MCMDC2: variants seen among roughly 807,000 people sequenced by gnomAD.
MCMDC2 encodes the protein minichromosome maintenance domain containing 2.
Under a neutral mutation model 75.8 loss-of-function variants are expected in MCMDC2, and 54 were observed. The observed-to-expected ratio is 0.71, with a 90% confidence interval of 0.57 to 0.89. The LOEUF (loss-of-function observed/expected upper bound fraction) is 0.89. Ranked by LOEUF, MCMDC2 falls within the 40% of genes least tolerant of loss-of-function variation. MCMDC2 has a pLI of 0.00. For synonymous variants in MCMDC2, 249 were observed against 274.6 expected, an observed-to-expected ratio of 0.91 and a Z score of 0.92; for missense variants, 656 against 780.4, an observed-to-expected ratio of 0.84 and a Z score of 1.90.
intron 7 of MCMDC2, among the ~76,000 whole-genome samples, chr8:66,880,530 T>C (rs563409859): frequency 1.3e-5 from 2 of 152,372 alleles, no homozygotes; most frequent in African/African-American, 4.8e-5. Context: ...TTCCTTTTCA[T>C]TGAATAGAAA....
chr8:66,924,070 T>C (rs1303996716), downstream of MCMDC2, among the ~76,000 whole-genome samples: 1 of 152,156 alleles, frequency 6.6e-6, no homozygotes, highest in African/African-American at 2.4e-5. Flanking sequence ...CGGTGGATTC[T>C]TTTGTATTAT....
chr8:66,881,516 A>T (rs11997536), intron 8 of MCMDC2, among the ~76,000 whole-genome samples: 2,780 of 152,164 alleles, frequency 0.018, 86 homozygotes, highest in African/African-American at 0.062. Context: ...GTGAAACCCC[A>T]TCTCTACTAA....
At chr8:66,911,337 T>C (rs932639783) in intron 14 of MCMDC2, among the ~76,000 whole-genome samples, 4 of 152,198 alleles carry the variant, frequency 2.6e-5, no homozygotes, top group Non-Finnish European at 4.4e-5. Flanking sequence ...CCTGCTGCCC[T>C]GTGAAGAAGG....
In MCMDC2 at chr8:66,896,782, T is replaced by C. The variant is rs755065417; in HGVS notation, c.1449T>C (p.Asp483=). ...QKINTLIGQM[D]CSLIPANLVE... Reference sequence around the variant, plus strand: ...TGTTACCTTTTGGTTTGATGTAGGATTGCAGTTTGATTCCAGCTAACCTTG... The same window carrying C: ...TGTTACCTTTTGGTTTGATGTAGGACTGCAGTTTGATTCCAGCTAACCTTG... The change falls in exon 12 of 15, where the codon GAT becomes GAC. Residue 483 remains aspartate (D), a splice_region_variant and synonymous_variant. Coordinates refer to ENST00000422365, the MANE Select transcript of MCMDC2 (RefSeq NM_173518.5). 1.2e-6 allele frequency: 2 copies of C among 1,603,418 alleles called. No homozygotes were observed. The highest frequency in any genetic ancestry group is 2.3e-5 in the East Asian group (1 of 44,270).
intron 14 of MCMDC2, among the ~76,000 whole-genome samples, chr8:66,912,243 C>T (rs1419412181): frequency 1.3e-5 from 2 of 152,266 alleles, no homozygotes; most frequent in Non-Finnish European, 2.9e-5. Context: ...GTGGCGGCAA[C>T]AGCAAGAGAA....
At chr8:66,881,557 G>A (rs1399001405) in intron 8 of MCMDC2, among the ~76,000 whole-genome samples, 1 of 152,160 alleles carries the variant, frequency 6.6e-6, no homozygotes, top group Non-Finnish European at 1.5e-5. Context: ...ATGGTGGCAG[G>A]TGCCTGTAAT....
At chr8:66,917,032 T>G (rs1198870611) in intron 14 of MCMDC2, among the ~76,000 whole-genome samples, 1 of 152,004 alleles carries the variant, frequency 6.6e-6, no homozygotes, top group Admixed American at 6.6e-5. Context: ...GCACTGAGCA[T>G]CAAAGGAGAA....
At chr8:66,891,712 T>C (rs543917657) in intron 10 of MCMDC2, among the ~76,000 whole-genome samples, 24 of 152,266 alleles carry the variant, frequency 1.6e-4, no homozygotes, top group African/African-American at 5.8e-4. Flanking sequence ...TGGCTCACAC[T>C]ACCAGTCCAG....
At chr8:66,898,924 T>C (rs1157709694) in intron 12 of MCMDC2, among the ~76,000 whole-genome samples, 2 of 152,204 alleles carry the variant, frequency 1.3e-5, no homozygotes, top group African/African-American at 4.8e-5. Context: ...AAAAATTGTA[T>C]TTTGGAGTCA....
downstream of MCMDC2, chr8:66,922,462 A>G (rs1334846161): frequency 1.9e-6 from 1 of 517,918 alleles, no homozygotes; most frequent in African/African-American, 1.9e-5. Context: ...TAATCAATGT[A>G]CAGTACTGGC....
chr8:66,896,579 A>G (rs1048649327), intron 11 of MCMDC2, among the ~76,000 whole-genome samples: 1 of 152,118 alleles, frequency 6.6e-6, no homozygotes, highest in African/African-American at 2.4e-5. Context: ...TGTATAAGAA[A>G]ATACTCACTA....
rs1812337177 is a variant in MCMDC2 at position 66,896,072 on chromosome 8, C to G, written c.1280-98C>G. ...TTTACTTTCTTTCACTATCCAAAGT[C>G]TACACAGTATAATTATATATAATAA... On this transcript the variant is annotated intron_variant, in intron 10 of 14. Transcript: ENST00000422365. 3 of 1,075,884 alleles carry G rather than the reference C, an allele frequency of 2.8e-6. No homozygotes were observed. In the South Asian group the frequency reaches 4.7e-5, roughly 17 times the overall value. The allele number at this position is 1,075,884 out of a possible 1,614,324, so 66.6% of individuals were successfully genotyped here.
At chr8:66,924,252 G>A (rs971660030), downstream of MCMDC2, among the ~76,000 whole-genome samples, 1 of 151,566 alleles carries the variant, frequency 6.6e-6, no homozygotes, top group Non-Finnish European at 1.5e-5. Flanking sequence ...GACAGTTAAT[G>A]ATTATTTCAG....
chr8:66,901,806 A>C (rs1812672862), intron 13 of MCMDC2: 1 of 177,816 alleles, frequency 5.6e-6, no homozygotes, highest in Non-Finnish European at 1.1e-5. Flanking sequence ...TGGTGCGTTC[A>C]TGTAGTCCCA....
At chr8:66,887,629 A>G (rs1432013786) in intron 9 of MCMDC2, among the ~76,000 whole-genome samples, 2 of 152,188 alleles carry the variant, frequency 1.3e-5, no homozygotes, top group Non-Finnish European at 2.9e-5. Flanking sequence ...TAGAAGCATT[A>G]TAGTTTTAGT....
Position 66,901,304 on chromosome 8 carries a change from C to T in MCMDC2, c.1725C>T (p.Gly575=). ...YYLASRRIRT[G]SVCGSKLSAS... Reference sequence around the variant, plus strand: ...TAGCAAGTCGCAGAATCAGAACAGGCTCTGTATGTGGATCAAAGCTGTCAG... The same window carrying T: ...TAGCAAGTCGCAGAATCAGAACAGGTTCTGTATGTGGATCAAAGCTGTCAG... Residue 575 remains glycine, a synonymous_variant, in exon 13 of 15, where the codon GGC becomes GGT. Coordinates refer to ENST00000422365, the MANE Select transcript of MCMDC2 (RefSeq NM_173518.5). 1 of 1,613,646 alleles carries T rather than the reference C, an allele frequency of 6.2e-7. No homozygotes were observed. Among genetic ancestry groups the T allele is most frequent in the Non-Finnish European group, 8.5e-7 (1 of 1,179,726 alleles).
rs1036630013 is a variant in MCMDC2 at position 66,919,959 on chromosome 8, T to TA, written c.*794dup. ...ACCATGAGAAAACAAATCCATCTTG[T>TA]AAAATTTATAAATCCTTTTTAGTTC... On this transcript the variant is annotated 3_prime_UTR_variant, in exon 15 of 15. Transcript: ENST00000422365. 14 of 152,332 alleles carry TA rather than the reference T, an allele frequency of 9.2e-5. No individual in the cohort carries two copies. Among genetic ancestry groups the TA allele is most frequent in the African/African-American group, 3.1e-4 (13 of 41,586 alleles). The allele number at this position is 152,332 out of a possible 1,614,324, so 9.4% of individuals were successfully genotyped here.
chr8:66,877,642 A>G lies in MCMDC2; in HGVS notation c.481+98A>G, dbSNP rs1811356076. 10 of 838,838 alleles carry G rather than the reference A, an allele frequency of 1.2e-5. No individual in the cohort carries two copies. The South Asian group carries it at 1.4e-4, about 11-fold the overall frequency. 52.0% of individuals were successfully genotyped at this position (838,838 alleles called of 1,614,324 possible). A position where few individuals can be genotyped will look rare whatever the true frequency, so the allele number is the denominator to read the frequency against. On this transcript the variant is annotated intron_variant, in intron 5 of 14. Coordinates refer to ENST00000422365, the MANE Select transcript of MCMDC2 (RefSeq NM_173518.5). ...CACTTTGGGAAGCTGAGGAGGGAGG[A>G]TCACCTGAGCTCAGGAGTTTGAGAC...
intron 14 of MCMDC2, among the ~76,000 whole-genome samples, chr8:66,911,545 C>T (rs771136706): frequency 4.6e-5 from 7 of 152,120 alleles, no homozygotes; most frequent in African/African-American, 7.2e-5. Context: ...TGAGGGAGGC[C>T]GAGCGTGGTG....
Sources: allele counts gnomAD v4.1 joint callset (sites outside exome capture counted in the v4.1 genomes callset), GRCh38; gene constraint gnomAD v4.1.1; transcripts MANE v1.5; gene names NCBI Gene and HGNC (gene_info 2026-07-23, HGNC 2026-07-21).